Variants in PRKCZ observed in about 807,000 individuals in gnomAD.
PRKCZ encodes the protein protein kinase C zeta type.
PRKCZ carries 33 observed loss-of-function variants against 79.5 expected under a neutral mutation model. The observed-to-expected ratio is 0.41, with a 90% confidence interval of 0.31 to 0.55. The LOEUF (loss-of-function observed/expected upper bound fraction) is 0.55, where lower values mean the gene tolerates loss of function less well. Ranked by LOEUF, PRKCZ falls within the 20% of genes least tolerant of loss-of-function variation. The pLI is 0.19. For missense variants in PRKCZ, 578 were observed against 813.5 expected (o/e 0.71, Z 3.52); for synonymous variants, 342 against 320.9 (o/e 1.07, Z -0.70).
intron 4 of PRKCZ, among the ~76,000 whole-genome samples, chr1:2,114,134 C>A (rs183400746): frequency 6.8e-6 from 1 of 146,092 alleles, no homozygotes; most frequent in East Asian, 2.1e-4. Flanking sequence ...GCTGCACCCC[C>A]CCACCCTCCC....
At chr1:2,089,577 A>G (rs1287337560) in intron 4 of PRKCZ, among the ~76,000 whole-genome samples, 1 of 152,098 alleles carries the variant, frequency 6.6e-6, no homozygotes, top group African/African-American at 2.4e-5. Flanking sequence ...GATAAAGGGG[A>G]CGAACAAACA....
chr1:2,062,055 G>T (rs917829298), intron 4 of PRKCZ, among the ~76,000 whole-genome samples: 1 of 152,208 alleles, frequency 6.6e-6, no homozygotes, highest in Non-Finnish European at 1.5e-5. Context: ...CGGCTGTACC[G>T]TGGGCCTGGT....
chr1:2,124,219 C>CGTCACGGCGGTAGTTAGG lies in PRKCZ; in HGVS notation c.335-11036_335-11035insCGGTAGTTAGGGTCACGG, dbSNP rs1673319861. On this transcript the variant is annotated intron_variant, in intron 4 of 17. Transcript: ENST00000378567. ...TAGTTAGGGTCACGGCTGTAGTTAG[C>CGTCACGGCGGTAGTTAGG]GTCACGGTGGTGGTTAGGGTCACGG... Among the ~76,000 whole-genome samples the CGTCACGGCGGTAGTTAGG allele has an allele frequency of 8.4e-4, 2 of 2,390 alleles. 1 individual carries two copies. The highest frequency in any genetic ancestry group is 6.2e-3 in the African/African-American group (2 of 322). 1.6% of individuals were successfully genotyped at this position (2,390 alleles called of 152,430 possible). A position where few individuals can be genotyped will look rare whatever the true frequency, so the allele number is the denominator to read the frequency against.
At chr1:2,147,321 T>TCCA in intron 7 of PRKCZ, among the ~76,000 whole-genome samples, 1 of 129,282 alleles carries the variant, frequency 7.7e-6, no homozygotes, top group South Asian at 2.6e-4. Context: ...CTCTCCATCT[T>TCCA]TCCATCTGTT....
At chr1:2,066,320 A>C (rs1661119117) in intron 4 of PRKCZ, among the ~76,000 whole-genome samples, 1 of 152,178 alleles carries the variant, frequency 6.6e-6, no homozygotes, top group Admixed American at 6.5e-5. Flanking sequence ...TGAAGACATC[A>C]GTCCCTGGGC....
At chr1:2,162,137 T>A (rs72925867) in intron 10 of PRKCZ, among the ~76,000 whole-genome samples, 7,074 of 152,256 alleles carry the variant, frequency 0.046, 502 homozygotes, top group African/African-American at 0.16. Context: ...TGGGATTTTC[T>A]TTTCTTTTCT....
intron 10 of PRKCZ, among the ~76,000 whole-genome samples, chr1:2,163,777 T>G (rs2103392501): frequency 6.6e-6 from 1 of 151,166 alleles, no homozygotes; most frequent in South Asian, 2.1e-4. Context: ...TGGGTGCCTG[T>G]AGTCTCAGCT....
chr1:2,144,366 C>A, intron 6 of PRKCZ, 25 bp downstream of exon 6: 1 of 1,554,192 alleles, frequency 6.4e-7, no homozygotes, highest in South Asian at 1.2e-5. Flanking sequence ...TGGGGAGGCC[C>A]GGGGGGCACG....
chr1:2,092,733 G>A (rs989970081), intron 4 of PRKCZ, among the ~76,000 whole-genome samples: 26 of 152,332 alleles, frequency 1.7e-4, no homozygotes, highest in African/African-American at 6.0e-4. Context: ...AGCATTAGAG[G>A]ATGGTGTATC....
intron 9 of PRKCZ, among the ~76,000 whole-genome samples, chr1:2,151,334 G>A (rs1053193753): frequency 6.6e-6 from 1 of 152,252 alleles, no homozygotes; most frequent in Non-Finnish European, 1.5e-5. Flanking sequence ...GAGCACTCAC[G>A]TGTCTAAGCT....
intron 10 of PRKCZ, among the ~76,000 whole-genome samples, chr1:2,157,858 G>A (rs549930851): frequency 1.6e-4 from 25 of 152,250 alleles, no homozygotes; most frequent in African/African-American, 6.0e-4. Context: ...GCAGAAGCAT[G>A]TTATATCCGT....
chr1:2,169,485 T>G (rs986889523), intron 10 of PRKCZ, 33 bp from the exon 11 acceptor site: 2 of 1,535,696 alleles, frequency 1.3e-6, no homozygotes, highest in African/African-American at 2.8e-5. Flanking sequence ...TCTGCCGAGG[T>G]GACTGCAGCC....
intron 4 of PRKCZ, among the ~76,000 whole-genome samples, chr1:2,102,534 G>C (rs529303562): frequency 2.0e-5 from 3 of 151,932 alleles, no homozygotes; most frequent in Admixed American, 1.3e-4. Context: ...GGGTTTCACT[G>C]TGTTAGCCGG....
chr1:2,072,505 G>C (rs1661690684), intron 4 of PRKCZ, among the ~76,000 whole-genome samples: 1 of 152,176 alleles, frequency 6.6e-6, no homozygotes, highest in South Asian at 2.1e-4. Flanking sequence ...GTTTCCATGG[G>C]AAAGGTGTGG....
intron 16 of PRKCZ, among the ~76,000 whole-genome samples, chr1:2,176,113 G>T (rs1292074811): frequency 1.3e-5 from 2 of 152,182 alleles, no homozygotes; most frequent in Non-Finnish European, 2.9e-5. Flanking sequence ...TTTCGGTGGT[G>T]TGTGAGCAGG....
intron 16 of PRKCZ, chr1:2,184,160 A>G (rs1687169167): frequency 6.5e-6 from 1 of 154,938 alleles, no homozygotes. Flanking sequence ...GGCTCCTGAC[A>G]GACGGGTCTG....
rs745686067 is a variant in PRKCZ, at chr1:2,183,271, C to T, written c.1576-1312C>T. The stretch of plus-strand genomic sequence containing the variant: ...ATTAGCTGGGCATGGTGGTGCATGC[C>T]TGTAGTCCCGGCTACTCAGGAGACT... On this transcript the variant is annotated intron_variant, in intron 16 of 17. Transcript: ENST00000378567. Among the ~76,000 whole-genome samples the T allele has an allele frequency of 1.7e-4, 26 of 151,926 alleles. 1 individual carries two copies. Among genetic ancestry groups the T allele is most frequent in the Admixed American group, 1.4e-3 (21 of 15,270 alleles).
intron 10 of PRKCZ, among the ~76,000 whole-genome samples, chr1:2,166,598 G>A (rs1683371043): frequency 1.3e-5 from 2 of 152,060 alleles, no homozygotes; most frequent in Admixed American, 6.6e-5. Context: ...ACCAGGACAC[G>A]GAGGGGCAGC....
intron 4 of PRKCZ, among the ~76,000 whole-genome samples, chr1:2,072,375 T>C (rs1661676336): frequency 6.6e-6 from 1 of 152,236 alleles, no homozygotes; most frequent in African/African-American, 2.4e-5. Flanking sequence ...ATGATGCCGT[T>C]GAGAAGGTCG....
Sources: allele counts gnomAD v4.1 joint callset (sites outside exome capture counted in the v4.1 genomes callset), GRCh38; gene constraint gnomAD v4.1.1; transcripts MANE v1.5; gene names NCBI Gene and HGNC (gene_info 2026-07-23, HGNC 2026-07-21).